Variants in NUP214 observed in about 807,000 individuals in gnomAD.
The protein encoded by NUP214 is nucleoporin 214, also known as nuclear pore complex protein Nup214.
A neutral mutation model predicts 196.2 loss-of-function variants in NUP214; 79 were observed. The ratio of observed to expected loss-of-function variants is 0.40; its 90% CI spans 0.34 to 0.49. The LOEUF is 0.49. Among genes scored for constraint, NUP214 ranks in the 20% least tolerant of loss-of-function variants. NUP214 has a pLI of 0.58. For missense variants in NUP214, 2,468 were observed against 2,539.0 expected (o/e 0.97, Z 0.60); for synonymous variants, 1,020 against 990.5 (o/e 1.03, Z -0.56).
chr9:131,184,963 AT>A (rs1833412328), intron 24 of NUP214, among the ~76,000 whole-genome samples: 1 of 152,168 alleles, frequency 6.6e-6, no homozygotes, highest in African/African-American at 2.4e-5. Flanking sequence ...CCACTCTCTC[AT>A]ATATGAGTAT....
At chr9:131,229,139 G>A (rs1301497223) in intron 33 of NUP214, 1 of 153,518 alleles carries the variant, frequency 6.5e-6, no homozygotes, top group Non-Finnish European at 1.5e-5. Context: ...TTGTCTAGGG[G>A]AATTGTTGAG....
chr9:131,178,828 A>G (rs1488301880), intron 24 of NUP214, among the ~76,000 whole-genome samples: 1 of 151,050 alleles, frequency 6.6e-6, no homozygotes, highest in Non-Finnish European at 1.5e-5. Context: ...TTCTCCAGGC[A>G]TTTCTGTTCT....
rs540970829 is a variant in NUP214, at chr9:131,216,602, G to C, written c.5749+1234G>C. On this transcript the variant is annotated intron_variant, in intron 31 of 35. Transcript: ENST00000359428. ...GGCTGGAGTGCAGTGGTGCAATCTC[G>C]GCTCACTGCAACCTCCCAGGTTCAA... 2.0e-5 allele frequency among the ~76,000 whole-genome samples: 3 copies of C among 148,508 alleles called. No individual in the cohort carries two copies. The South Asian group carries it at 6.4e-4, about 32-fold the overall frequency.
intron 26 of NUP214, 171 bp from the exon 27 acceptor site, chr9:131,192,037 G>A (rs1833615582): frequency 2.1e-6 from 1 of 471,434 alleles, no homozygotes; most frequent in African/African-American, 2.0e-5. Context: ...TCAAACACAA[G>A]TGAGGCAACG....
chr9:131,202,085 T>TC (rs147497240), intron 30 of NUP214, among the ~76,000 whole-genome samples: 1,622 of 152,252 alleles, frequency 0.011, 28 homozygotes, highest in African/African-American at 0.036. Context: ...TGCCTCAGCC[T>TC]CCCCAGTAGT....
At chr9:131,159,592 T>C in intron 18 of NUP214, 106 bp downstream of exon 18, 1 of 890,778 alleles carries the variant, frequency 1.1e-6, no homozygotes, top group Non-Finnish European at 1.8e-6. Flanking sequence ...GTGCGGTGGC[T>C]CACGCCTGTA....
intron 30 of NUP214, among the ~76,000 whole-genome samples, chr9:131,208,063 AAAAAAT>A (rs1834132854): frequency 6.6e-6 from 1 of 152,338 alleles, no homozygotes; most frequent in East Asian, 1.9e-4. Flanking sequence ...TTTAAAAAGT[AAAAAAT>A]AAAAATAACC....
chr9:131,137,547 G>C (rs2133467645), intron 9 of NUP214, among the ~76,000 whole-genome samples: 1 of 143,262 alleles, frequency 7.0e-6, no homozygotes, highest in South Asian at 2.2e-4. Context: ...CATTTCTGGT[G>C]GTATCTTTTT....
intron 18 of NUP214, among the ~76,000 whole-genome samples, chr9:131,160,864 T>C (rs1179886205): frequency 6.6e-6 from 1 of 152,174 alleles, no homozygotes; most frequent in Non-Finnish European, 1.5e-5. Context: ...GAGAATTCTG[T>C]GGCCTGTGGA....
At position 131,175,515 on chromosome 9, in the gene NUP214, C is replaced by T. The variant is rs1233740238; in HGVS notation, c.3213C>T (p.Ala1071=). 2 of 1,614,078 alleles carry T rather than the reference C, an allele frequency of 1.2e-6. No individual in the cohort carries two copies. The highest frequency in any genetic ancestry group is 1.3e-5 in the African/African-American group (1 of 74,928). Residue 1071 remains alanine (A), a synonymous_variant, in exon 23 of 36, where the codon GCC becomes GCT. Transcript: ENST00000359428. ...AAGGGGCCGATAGCACAATGCTTGCCACGAAAACCGTGAAACATGGTGCAC... is the reference window on the plus strand; with the variant it reads ...AAGGGGCCGATAGCACAATGCTTGCTACGAAAACCGTGAAACATGGTGCAC... ...IPQGADSTML[A]TKTVKHGAPS...
chr9:131,135,858 C>A, intron 8 of NUP214, 82 bp from the exon 9 acceptor site: 1 of 1,056,142 alleles, frequency 9.5e-7, no homozygotes, highest in Non-Finnish European at 1.4e-6. Flanking sequence ...AGGCAGCCCT[C>A]ACAGGTGTTA....
Position 131,198,254 on chromosome 9 carries a change from C to T in NUP214, c.4760C>T (p.Ser1587Phe), listed in dbSNP as rs771530224. ...ACGGAGGCAGTACCACCTGCTTCCT[C>T]CTTTTCTGTGCCTGGGCAGACTGCT... ...ARTEAVPPAS[S>F]FSVPGQTAVT... The change falls in exon 29 of 36, where the codon TCC (serine) becomes TTC (phenylalanine). Residue 1587 changes from serine to phenylalanine, a missense_variant. Ser to Phe is a radical substitution (Grantham distance 155, BLOSUM62 -2). Transcript: ENST00000359428. 1 of 1,614,222 alleles carries T rather than the reference C, an allele frequency of 6.2e-7. No homozygotes were observed. Among genetic ancestry groups the T allele is most frequent in the Non-Finnish European group, 8.5e-7 (1 of 1,180,038 alleles).
intron 17 of NUP214, among the ~76,000 whole-genome samples, chr9:131,158,371 G>A (rs142394318): frequency 0.014 from 2,124 of 152,320 alleles, 61 homozygotes; most frequent in Admixed American, 0.067. Context: ...GAGCCACAGC[G>A]CCCAGCCACC....
At position 131,178,342 on chromosome 9, in the gene NUP214, G is replaced by A. The variant is rs369910018; in HGVS notation, c.3351G>A (p.Lys1117=). ...ACACTTTGACTGAATCAACGTTGAA[G>A]AATGTCCCTCAAGTGGTAAATGTGC... The part of the protein sequence containing the change: ...AVNTLTESTL[K]NVPQVVNVQE... The change falls in exon 24 of 36, where the codon AAG becomes AAA. Residue 1117 remains lysine, a synonymous_variant. Transcript: ENST00000359428. The A allele has an allele frequency of 2.0e-5, 32 of 1,613,776 alleles. No homozygotes were observed. Among genetic ancestry groups the A allele is most frequent in the Non-Finnish European group, 2.7e-5 (32 of 1,179,814 alleles).
At chr9:131,193,400 A>G (rs1487910951) in intron 27 of NUP214, among the ~76,000 whole-genome samples, 1 of 152,004 alleles carries the variant, frequency 6.6e-6, no homozygotes, top group Non-Finnish European at 1.5e-5. Flanking sequence ...CCTGATTTTA[A>G]TATATTTTTT....
intron 31 of NUP214, 177 bp from the exon 32 acceptor site, chr9:131,222,601 G>T (rs966527522): frequency 1.7e-6 from 1 of 578,122 alleles, no homozygotes; most frequent in Non-Finnish European, 2.9e-6. Flanking sequence ...TCCCAGCAAG[G>T]TGCGTGAAAA....
intron 17 of NUP214, chr9:131,159,098 G>A: frequency 2.9e-6 from 1 of 347,900 alleles, no homozygotes; most frequent in Non-Finnish European, 5.1e-6. Context: ...TACATTATTA[G>A]AGACAGAGTC....
chr9:131,158,520 T>A (rs969381713), intron 17 of NUP214, among the ~76,000 whole-genome samples: 1 of 152,378 alleles, frequency 6.6e-6, no homozygotes, highest in Admixed American at 6.5e-5. Context: ...CAGTTTTTAG[T>A]GCTGATAGTG....
At chr9:131,212,564 C>T (rs530376765) in intron 30 of NUP214, among the ~76,000 whole-genome samples, 25 of 152,266 alleles carry the variant, frequency 1.6e-4, no homozygotes, top group African/African-American at 5.5e-4. Flanking sequence ...GAAAATAGAA[C>T]GTATGTTGAA....
Sources: allele counts gnomAD v4.1 joint callset (sites outside exome capture counted in the v4.1 genomes callset), GRCh38; gene constraint gnomAD v4.1.1; transcripts MANE v1.5; gene names NCBI Gene and HGNC (gene_info 2026-07-23, HGNC 2026-07-21).